Variants in NRDE2 observed in about 807,000 individuals in gnomAD.
NRDE2 encodes the protein nuclear exosome regulator NRDE2.
NRDE2 carries 76 observed loss-of-function variants against 124.2 expected under a neutral mutation model. That is an observed-to-expected ratio of 0.61 (90% CI 0.51 to 0.74). The LOEUF (loss-of-function observed/expected upper bound fraction) is 0.74, where lower values mean the gene tolerates loss of function less well. Among genes scored for constraint, NRDE2 ranks in the 30% least tolerant of loss-of-function variants. The pLI is 0.00. For missense variants in NRDE2, 1,314 were observed against 1,417.3 expected, an observed-to-expected ratio of 0.93 and a Z score of 1.17; for synonymous variants, 489 against 528.1, an observed-to-expected ratio of 0.93 and a Z score of 1.01.
rs58641715 is a variant in NRDE2 at position 90,271,892 on chromosome 14, ATTT to A, written c.*6441_*6443del. 5.7e-5 allele frequency: 8 copies of A among 140,126 alleles called. No individual in the cohort carries two copies. Among genetic ancestry groups the A allele is most frequent in the Non-Finnish European group, 1.1e-4 (7 of 65,128 alleles). The allele number at this position is 140,126 out of a possible 1,614,324, so 8.7% of individuals were successfully genotyped here. ...TGTCTCATGCTTTATTTCAGAACAG[ATTT>A]TTTTTTTTTTTTTTTTGAGGTAGAG... is the stretch of plus-strand genomic sequence containing the variant. On this transcript the variant is annotated 3_prime_UTR_variant, in exon 14 of 14. Transcript: ENST00000354366.
rs4904666 is a variant in NRDE2 at position 90,271,971 on chromosome 14, T to C, written c.*6365A>G. The C allele has an allele frequency of 0.35, 80,085 of 225,624 alleles. 15,149 individuals carry two copies. The highest frequency in any genetic ancestry group is 0.49 in the East Asian group (3,092 of 6,294). The allele number at this position is 225,624 out of a possible 1,614,324, so 14.0% of individuals were successfully genotyped here. A position where few individuals can be genotyped will look rare whatever the true frequency, so the allele number is the denominator to read the frequency against. Reference sequence around the variant, plus strand: ...GCAGTGGCGCGATCTCGGCTCACTGTAACCTCTGCCTCCCGGGTTCAAGCA... The same window carrying C: ...GCAGTGGCGCGATCTCGGCTCACTGCAACCTCTGCCTCCCGGGTTCAAGCA... On this transcript the variant is annotated 3_prime_UTR_variant, in exon 14 of 14. Coordinates refer to ENST00000354366, the MANE Select transcript of NRDE2 (RefSeq NM_017970.4).
intron 9 of NRDE2, 23 bp from the exon 10 acceptor site, chr14:90,290,630 C>G (rs368090878): frequency 1.3e-6 from 2 of 1,577,110 alleles, no homozygotes; most frequent in Non-Finnish European, 8.6e-7. Context: ...CAAAATAAAG[C>G]GACCCATGTA....
chr14:90,310,147 G>A (rs1039360821), intron 4 of NRDE2, among the ~76,000 whole-genome samples: 2 of 152,186 alleles, frequency 1.3e-5, no homozygotes, highest in African/African-American at 4.8e-5. Context: ...AGACAGGTCA[G>A]GTGATTTGCC....
At chr14:90,329,899 C>A (rs1401247149) in intron 1 of NRDE2, among the ~76,000 whole-genome samples, 6 of 146,918 alleles carry the variant, frequency 4.1e-5, no homozygotes, top group Non-Finnish European at 7.5e-5. Flanking sequence ...CTTCTTTGAA[C>A]CTTCTATTAG....
At chr14:90,316,203 A>G (rs1885041042) in intron 3 of NRDE2, among the ~76,000 whole-genome samples, 1 of 152,202 alleles carries the variant, frequency 6.6e-6, no homozygotes, top group Non-Finnish European at 1.5e-5. Flanking sequence ...AATGAAAGAT[A>G]TATCAAGGCA....
At chr14:90,283,032 A>G (rs1157942019) in intron 12 of NRDE2, among the ~76,000 whole-genome samples, 1 of 152,208 alleles carries the variant, frequency 6.6e-6, no homozygotes, top group Non-Finnish European at 1.5e-5. Flanking sequence ...GCACAATCGC[A>G]CAACCAACCT....
chr14:90,298,955 C>T (rs765640073), intron 7 of NRDE2, among the ~76,000 whole-genome samples: 5 of 152,228 alleles, frequency 3.3e-5, no homozygotes, highest in Non-Finnish European at 1.5e-5. Flanking sequence ...TAACACCTGG[C>T]ACAATACTTA....
chr14:90,315,247 T>G (rs1885000581), intron 3 of NRDE2, among the ~76,000 whole-genome samples: 1 of 146,708 alleles, frequency 6.8e-6, no homozygotes. Flanking sequence ...GATGCATGCC[T>G]GTAGTCCCAG....
At chr14:90,307,804 T>C (rs1884671103) in intron 4 of NRDE2, among the ~76,000 whole-genome samples, 2 of 152,172 alleles carry the variant, frequency 1.3e-5, no homozygotes, top group African/African-American at 2.4e-5. Flanking sequence ...AATGATGCAA[T>C]ATAGCTCACT....
intron 2 of NRDE2, chr14:90,317,753 G>A: frequency 2.9e-6 from 1 of 344,586 alleles, no homozygotes; most frequent in Non-Finnish European, 5.2e-6. Flanking sequence ...AAAGTTACTC[G>A]AGAATCACAA....
chr14:90,324,490 A>G lies in NRDE2; in HGVS notation c.65-6377T>C, dbSNP rs566843735. Among the ~76,000 whole-genome samples, 10 of 152,162 alleles carry G rather than the reference A, an allele frequency of 6.6e-5. No individual in the cohort carries two copies. The East Asian group carries it at 1.9e-3, about 29-fold the overall frequency. Reference sequence around the variant, plus strand: ...CAGGAGTTTGAGACTAGCCTGGCCAACATGGTGAAACCCCATCTCTACTAG... The same window carrying G: ...CAGGAGTTTGAGACTAGCCTGGCCAGCATGGTGAAACCCCATCTCTACTAG... On this transcript the variant is annotated intron_variant, in intron 1 of 13. Coordinates refer to ENST00000354366, the MANE Select transcript of NRDE2 (RefSeq NM_017970.4).
intron 7 of NRDE2, among the ~76,000 whole-genome samples, chr14:90,300,123 C>T (rs1884339974): frequency 6.6e-6 from 1 of 152,162 alleles, no homozygotes; most frequent in African/African-American, 2.4e-5. Context: ...CCACCCATCA[C>T]TCTGTTCTTA....
At position 90,278,418 on chromosome 14, in the gene NRDE2, T is replaced by C. The variant is rs765508701; in HGVS notation, c.3413A>G (p.Gln1138Arg). The change falls in exon 14 of 14, where the codon CAG (glutamine) becomes CGG (arginine). Residue 1138 changes from glutamine to arginine, a missense_variant. Gln to Arg is a conservative substitution (Grantham distance 43). Transcript: ENST00000354366. ...DAVEYFPDEMQEILDLMTEKE... is the reference protein window; with the variant it reads ...DAVEYFPDEMREILDLMTEKE... ...CTCAGTCATCAGGTCCAGGATCTCCTGCATCTCATCGGGGAAATACTCCAC... is the reference window on the plus strand; with the variant it reads ...CTCAGTCATCAGGTCCAGGATCTCCCGCATCTCATCGGGGAAATACTCCAC... The C allele has an allele frequency of 2.5e-6, 4 of 1,614,062 alleles. No homozygotes were observed. The highest frequency in any genetic ancestry group is 3.3e-5 in the Admixed American group (2 of 60,022).
At chr14:90,306,112 T>G (rs184058664) in intron 4 of NRDE2, among the ~76,000 whole-genome samples, 116 of 152,316 alleles carry the variant, frequency 7.6e-4, no homozygotes, top group Admixed American at 1.8e-3. Flanking sequence ...TATACGAGCA[T>G]TCACTGTAAA....
At chr14:90,298,049 C>T (rs1884245239) in intron 8 of NRDE2, among the ~76,000 whole-genome samples, 1 of 152,066 alleles carries the variant, frequency 6.6e-6, no homozygotes, top group South Asian at 2.1e-4. Context: ...CTTTCAAATC[C>T]TCAAAGCATT....
intron 12 of NRDE2, among the ~76,000 whole-genome samples, chr14:90,283,271 T>G (rs1006570346): frequency 2.0e-5 from 3 of 152,146 alleles, no homozygotes; most frequent in African/African-American, 7.2e-5. Flanking sequence ...AGAGAGAAAT[T>G]CTCTAAGGGG....
intron 4 of NRDE2, 42 bp from the exon 5 acceptor site, chr14:90,304,424 G>T: frequency 6.9e-7 from 1 of 1,454,472 alleles, no homozygotes; most frequent in Non-Finnish European, 9.3e-7. Context: ...GGGAATACGT[G>T]TACTACCTCT....
At chr14:90,283,873 G>A (rs1362782535) in intron 12 of NRDE2, among the ~76,000 whole-genome samples, 5 of 151,830 alleles carry the variant, frequency 3.3e-5, no homozygotes, top group South Asian at 4.2e-4. Flanking sequence ...TACCACGCCC[G>A]GCTAATTTTT....
At position 90,288,435 on chromosome 14, in the gene NRDE2, C is replaced by G. The variant is rs143218323; in HGVS notation, c.2940G>C (p.Leu980=). Reference sequence around the variant, plus strand: ...GTGAGAGTGCCTCTCGCAGAGGGGCCAGCGGGTAAACACTCACTTTCATGT... The same window carrying G: ...GTGAGAGTGCCTCTCGCAGAGGGGCGAGCGGGTAAACACTCACTTTCATGT... The part of the protein sequence containing the change: ...RFHMKVSVYP[L]APLREALSQA... Residue 980 remains leucine (L), a synonymous_variant, in exon 11 of 14, where the codon CTG becomes CTC. Coordinates refer to ENST00000354366, the MANE Select transcript of NRDE2 (RefSeq NM_017970.4). 10 of 1,614,138 alleles carry G rather than the reference C, an allele frequency of 6.2e-6. No individual in the cohort carries two copies. Among genetic ancestry groups the G allele is most frequent in the Non-Finnish European group, 8.5e-6 (10 of 1,180,018 alleles).
Sources: gnomAD v4.1 joint callset for allele counts (sites outside exome capture counted in the v4.1 genomes callset) on GRCh38, gnomAD v4.1.1 for gene constraint, MANE v1.5 for transcripts, NCBI Gene and HGNC (gene_info 2026-07-23, HGNC 2026-07-21) for gene names.